The following FKBP1C variants were observed in gnomAD, a reference collection of about 807,000 sequenced individuals.
The protein encoded by FKBP1C is FKBP prolyl isomerase family member 1C.
A neutral mutation model predicts 7.1 loss-of-function variants in FKBP1C; 7 were observed. That is an observed-to-expected ratio of 0.99 (90% CI 0.56 to 1.86). The LOEUF (loss-of-function observed/expected upper bound fraction) is 1.86. Ranked by LOEUF, FKBP1C falls within the 40% of genes most tolerant of loss-of-function variation. The pLI is 0.00. For synonymous variants in FKBP1C, 56 were observed against 51.2 expected (o/e 1.09, Z -0.40); for missense variants, 159 against 139.9 (o/e 1.14, Z -0.69).
chr6:63,211,832 C>T (rs1475084055), exon 1 of FKBP1C: 1 of 1,612,900 alleles, frequency 6.2e-7, no homozygotes, highest in Non-Finnish European at 8.5e-7. Context: ...CAGGCATCAT[C>T]CCACCACATG....
chr6:63,211,581 T>A (rs1766104515), exon 1 of FKBP1C: 5 of 1,498,794 alleles, frequency 3.3e-6, no homozygotes, highest in Non-Finnish European at 4.6e-6. Context: ...GGAAACCATC[T>A]CCCCAGGAGA....
exon 1 of FKBP1C, chr6:63,212,762 C>T (rs956594201): frequency 3.0e-5 from 5 of 166,966 alleles, no homozygotes; most frequent in African/African-American, 1.2e-4. Context: ...AAAGCCCAGC[C>T]ATCATGACAA....
At chr6:63,211,526 G>A (rs1261092947) in exon 1 of FKBP1C, 6 of 930,730 alleles carry the variant, frequency 6.4e-6, no homozygotes, top group South Asian at 2.8e-5. Flanking sequence ...CGCCCGTCGC[G>A]CTGCCCGCCC....
At chr6:63,211,561 G>T in exon 1 of FKBP1C, 3 of 1,337,694 alleles carry the variant, frequency 2.2e-6, no homozygotes, top group Non-Finnish European at 3.2e-6. Context: ...GCCGCCATGG[G>T]AGTGCACGTG....
rs530406188 is a variant in FKBP1C, at chr6:63,211,606, C to T, written c.50C>T (p.Pro17Leu). The stretch of plus-strand genomic sequence containing the variant: ...TCCCCAGGAGACTGGCGCACCTTCC[C>T]GAAGCGCAGCCAGACCTGCGTGATG... Residue 17 changes from proline to leucine, a missense_variant, in exon 1 of 1, where the codon CCG becomes CTG. Coordinates refer to ENST00000370659, the Ensembl canonical transcript of FKBP1C. 3.4e-5 allele frequency: 54 copies of T among 1,588,270 alleles called. No individual in the cohort carries two copies. In the South Asian group the frequency reaches 3.4e-4, roughly 10 times the overall value.
At chr6:63,211,529 G>T in exon 1 of FKBP1C, 1 of 966,726 alleles carries the variant, frequency 1.0e-6, no homozygotes, top group Non-Finnish European at 1.6e-6. Context: ...CCGTCGCGCT[G>T]CCCGCCCGCT....
At chr6:63,212,178 A>G (rs888035335) in exon 1 of FKBP1C, 33 of 561,488 alleles carry the variant, frequency 5.9e-5, no homozygotes, top group Non-Finnish European at 9.5e-5. Flanking sequence ...AGTCTTTTGA[A>G]TATAGGTTTC....
chr6:63,212,287 T>G (rs1766116248), exon 1 of FKBP1C: 2 of 254,102 alleles, frequency 7.9e-6, no homozygotes, highest in East Asian at 1.9e-4. Context: ...TTATTTTAAT[T>G]TTTTGGATGA....
At chr6:63,211,728 C>G in exon 1 of FKBP1C, 1 of 1,613,952 alleles carries the variant, frequency 6.2e-7, no homozygotes, top group African/African-American at 1.3e-5. Context: ...GGAGGTGATC[C>G]GAGGCTGGGA....
exon 1 of FKBP1C, chr6:63,211,668 G>T (rs771238719): frequency 1.2e-6 from 2 of 1,614,094 alleles, no homozygotes; most frequent in Non-Finnish European, 1.7e-6. Flanking sequence ...AAAGAAATTT[G>T]ATTCCTCCCG....
In FKBP1C at chr6:63,211,515, C is replaced by T. The variant is rs1766102779; in HGVS notation, c.-42C>T. On this transcript the variant is annotated 5_prime_UTR_variant, in exon 1 of 1. Transcript: ENST00000370659. ...GCCGCCAGGTCGCTGTCGGTCCACG[C>T]CGCCCGTCGCGCTGCCCGCCCGCTC... is the stretch of plus-strand genomic sequence containing the variant. 7 of 796,684 alleles carry T rather than the reference C, an allele frequency of 8.8e-6. 1 individual carries two copies. The South Asian group carries it at 9.2e-5, about 10-fold the overall frequency. 49.4% of individuals were successfully genotyped at this position (796,684 alleles called of 1,614,324 possible).
At chr6:63,211,764 G>A (rs756117231) in exon 1 of FKBP1C, 2 of 1,613,950 alleles carry the variant, frequency 1.2e-6, no homozygotes, top group Admixed American at 3.3e-5. Context: ...GATGAGTGTG[G>A]GTCAGAGAGC....
exon 1 of FKBP1C, chr6:63,211,763 G>A (rs752730534): frequency 1.9e-6 from 3 of 1,613,980 alleles, no homozygotes; most frequent in African/African-American, 2.7e-5. Context: ...AGATGAGTGT[G>A]GGTCAGAGAG....
At chr6:63,212,935 G>C (rs1282107500) in exon 1 of FKBP1C, 1 of 166,504 alleles carries the variant, frequency 6.0e-6, no homozygotes, top group East Asian at 1.9e-4. Context: ...TTGGTGAGAG[G>C]AATCGTTGCT....
At chr6:63,211,633 A>G in exon 1 of FKBP1C, 2 of 1,612,788 alleles carry the variant, frequency 1.2e-6, no homozygotes, top group Admixed American at 1.7e-5. Context: ...TGCGTGATGC[A>G]CTACACCGGG....
exon 1 of FKBP1C, chr6:63,211,576 C>A: frequency 1.4e-6 from 2 of 1,475,780 alleles, no homozygotes; most frequent in Non-Finnish European, 9.5e-7. Flanking sequence ...CACGTGGAAA[C>A]CATCTCCCCA....
At chr6:63,212,393 T>A (rs1167271774) in exon 1 of FKBP1C, 1 of 173,454 alleles carries the variant, frequency 5.8e-6, no homozygotes, top group Admixed American at 6.1e-5. Context: ...TTCTCCAAGT[T>A]GAGAGATGTC....
At chr6:63,212,591 C>A in exon 1 of FKBP1C, 1 of 62,446 alleles carries the variant, frequency 1.6e-5, no homozygotes. Context: ...TTCTTTGTGG[C>A]CTTATTTTTT....
chr6:63,212,947 C>T (rs1209132790), exon 1 of FKBP1C: 31 of 166,434 alleles, frequency 1.9e-4, no homozygotes. Flanking sequence ...ATCGTTGCTG[C>T]CCCCTTCCCC....
Sources: allele counts gnomAD v4.1 joint callset, GRCh38; gene constraint gnomAD v4.1.1; transcripts MANE v1.5; gene names NCBI Gene and HGNC (gene_info 2026-07-23, HGNC 2026-07-21).